EMCN: variants seen among roughly 807,000 people sequenced by gnomAD.
The protein encoded by EMCN is MUC-14.
In EMCN, 37 loss-of-function variants were observed where a neutral mutation model predicts 38.4. That is an observed-to-expected ratio of 0.96 (90% CI 0.74 to 1.27). EMCN has a LOEUF of 1.27. Ranked by LOEUF, EMCN falls within the 50% of genes most tolerant of loss-of-function variation. EMCN has a pLI of 0.00. For missense variants in EMCN, 318 were observed against 302.8 expected (o/e 1.05, Z -0.37); for synonymous variants, 95 against 100.8 (o/e 0.94, Z 0.35).
At chr4:100,459,131 G>A (rs1333324932) in intron 4 of EMCN, among the ~76,000 whole-genome samples, 1 of 144,420 alleles carries the variant, frequency 6.9e-6, no homozygotes, top group Admixed American at 7.0e-5. Flanking sequence ...TTATTAAGTT[G>A]GACAACTCCT....
At chr4:100,424,557 C>T (rs1222288186) in intron 5 of EMCN, among the ~76,000 whole-genome samples, 1 of 152,136 alleles carries the variant, frequency 6.6e-6, no homozygotes, top group East Asian at 1.9e-4. Context: ...ACTGCATGCT[C>T]ATGCATTTTT....
intron 1 of EMCN, among the ~76,000 whole-genome samples, chr4:100,515,835 A>AAAACAAAC (rs372660405): frequency 2.6e-5 from 4 of 152,048 alleles, no homozygotes; most frequent in South Asian, 2.1e-4. Flanking sequence ...CCAATCTGCA[A>AAAACAAAC]AAACAAACAA....
chr4:100,440,565 T>C (rs1409270853), intron 5 of EMCN, among the ~76,000 whole-genome samples: 1 of 152,080 alleles, frequency 6.6e-6, no homozygotes, highest in African/African-American at 2.4e-5. Context: ...GCAAAAGACA[T>C]TATTTCACTC....
intron 10 of EMCN, among the ~76,000 whole-genome samples, 177 bp from the exon 11 acceptor site, chr4:100,410,532 C>A (rs1198039628): frequency 6.6e-6 from 1 of 152,144 alleles, no homozygotes; most frequent in African/African-American, 2.4e-5. Context: ...AATATATGAA[C>A]TTTTCCCAGA....
At chr4:100,444,885 C>A (rs1377245081) in intron 5 of EMCN, among the ~76,000 whole-genome samples, 1 of 152,070 alleles carries the variant, frequency 6.6e-6, no homozygotes, top group African/African-American at 2.4e-5. Context: ...TGGGGAGCAC[C>A]CTCAGCTGGG....
chr4:100,492,354 A>G (rs1175079240), intron 1 of EMCN, among the ~76,000 whole-genome samples: 1 of 152,170 alleles, frequency 6.6e-6, no homozygotes, highest in East Asian at 1.9e-4. Flanking sequence ...TTGTCCAATC[A>G]GAGGAGCAAA....
Position 100,421,372 on chromosome 4 carries a change from T to C in EMCN, c.574A>G (p.Ile192Val), listed in dbSNP as rs1726882857. 1.2e-6 allele frequency: 2 copies of C among 1,611,586 alleles called. No individual in the cohort carries two copies. The highest frequency in any genetic ancestry group is 3.3e-5 in the Admixed American group (2 of 59,800). ...SATSRSYSSI[I>V]LPVVIALIVI... ...ATCAAAGCAATAACCACCGGCAAAA[T>C]AATACCTAAAAAGAATTGGAGACAT... is the stretch of plus-strand genomic sequence containing the variant. The change falls in exon 8 of 12, where the codon ATT becomes GTT. Residue 192 changes from isoleucine (I) to valine (V), a missense_variant. By Grantham distance (29) the Ile-to-Val change is conservative. Transcript: ENST00000296420.
intron 1 of EMCN, among the ~76,000 whole-genome samples, chr4:100,481,482 A>G (rs1728804055): frequency 1.3e-5 from 2 of 152,142 alleles, no homozygotes; most frequent in Admixed American, 1.3e-4. Flanking sequence ...AAATGATAGA[A>G]CTGCATTTTC....
At chr4:100,436,415 A>G (rs1382292052) in intron 5 of EMCN, among the ~76,000 whole-genome samples, 1 of 152,152 alleles carries the variant, frequency 6.6e-6, no homozygotes, top group Non-Finnish European at 1.5e-5. Context: ...TCTTGGTAGG[A>G]GTGTAAATTA....
chr4:100,487,329 A>G (rs933569089), intron 1 of EMCN, among the ~76,000 whole-genome samples: 5 of 152,172 alleles, frequency 3.3e-5, no homozygotes, highest in African/African-American at 7.2e-5. Context: ...GGGAGCAACA[A>G]AAGCAATCAA....
At chr4:100,432,017 G>C (rs551650035) in intron 5 of EMCN, among the ~76,000 whole-genome samples, 46 of 152,252 alleles carry the variant, frequency 3.0e-4, no homozygotes, top group African/African-American at 1.1e-3. Context: ...CAAGTTATTA[G>C]CTCTGCCTGT....
chr4:100,468,235 A>T (rs957935772), intron 3 of EMCN, among the ~76,000 whole-genome samples: 1 of 152,192 alleles, frequency 6.6e-6, no homozygotes, highest in African/African-American at 2.4e-5. Flanking sequence ...TTAGGTGAAA[A>T]CCACTGCATA....
intron 7 of EMCN, among the ~76,000 whole-genome samples, chr4:100,422,082 C>A (rs952401459): frequency 1.3e-5 from 2 of 152,008 alleles, no homozygotes; most frequent in Middle Eastern, 6.8e-3. Context: ...GTGATAAAAG[C>A]AAGAGAGCTG....
chr4:100,408,795 A>T (rs889544478), intron 11 of EMCN, among the ~76,000 whole-genome samples: 2 of 152,160 alleles, frequency 1.3e-5, no homozygotes, highest in African/African-American at 4.8e-5. Context: ...AGCCACTGCC[A>T]ATTAGAATAA....
At chr4:100,506,961 A>G (rs1444673668) in intron 1 of EMCN, among the ~76,000 whole-genome samples, 2 of 152,128 alleles carry the variant, frequency 1.3e-5, no homozygotes, top group Non-Finnish European at 2.9e-5. Context: ...TTAATCCTCT[A>G]TATATTCTTA....
At chr4:100,478,951 GC>G (rs1728733201) in intron 2 of EMCN, among the ~76,000 whole-genome samples, 1 of 151,992 alleles carries the variant, frequency 6.6e-6, no homozygotes, top group Admixed American at 6.6e-5. Flanking sequence ...GCTATGGAGG[GC>G]CCCAAGTAGT....
intron 1 of EMCN, among the ~76,000 whole-genome samples, chr4:100,493,457 G>A (rs1332476253): frequency 6.6e-6 from 1 of 152,196 alleles, no homozygotes; most frequent in Non-Finnish European, 1.5e-5. Context: ...TCCACATTAA[G>A]TGCTCTCATG....
At chr4:100,498,426 A>G (rs1003389931) in intron 1 of EMCN, among the ~76,000 whole-genome samples, 2 of 152,224 alleles carry the variant, frequency 1.3e-5, no homozygotes, top group Non-Finnish European at 2.9e-5. Context: ...TTATAAGCTA[A>G]ATCAATTAGT....
chr4:100,505,278 C>G (rs1387399686), intron 1 of EMCN, among the ~76,000 whole-genome samples: 1 of 152,138 alleles, frequency 6.6e-6, no homozygotes, highest in Non-Finnish European at 1.5e-5. Context: ...TGTCTTGTGT[C>G]TTTATTTCTA....
Sources: gnomAD v4.1 joint callset for allele counts (sites outside exome capture counted in the v4.1 genomes callset) on GRCh38, gnomAD v4.1.1 for gene constraint, MANE v1.5 for transcripts, NCBI Gene and HGNC (gene_info 2026-07-23, HGNC 2026-07-21) for gene names.